RAD51B: variants seen among roughly 807,000 people sequenced by gnomAD.
RAD51B encodes RAD51 paralog B.
A neutral mutation model predicts 42.2 loss-of-function variants in RAD51B; 38 were observed. That is an observed-to-expected ratio of 0.90 (90% confidence interval 0.70 to 1.18). RAD51B has a LOEUF of 1.18. Among genes scored for constraint, RAD51B ranks in the 50% most tolerant of loss-of-function variants. RAD51B has a pLI of 0.00. For synonymous variants in RAD51B, 154 were observed against 145.2 expected, an observed-to-expected ratio of 1.06 and a Z score of -0.43; for missense variants, 373 against 400.7, an observed-to-expected ratio of 0.93 and a Z score of 0.59.
chr14:68,396,332 A>G (rs1432003771), intron 8 of RAD51B, among the ~76,000 whole-genome samples: 1 of 152,222 alleles, frequency 6.6e-6, no homozygotes, highest in Non-Finnish European at 1.5e-5. Context: ...AGATGAAAAC[A>G]TGGGCTAACG....
chr14:68,056,727 G>A (rs1055596374), intron 7 of RAD51B, among the ~76,000 whole-genome samples: 5 of 151,190 alleles, frequency 3.3e-5, no homozygotes, highest in South Asian at 2.1e-4. Flanking sequence ...CAGCCTTGGC[G>A]ACAGACCAAG....
chr14:68,455,058 T>TAC (rs4048734), intron 9 of RAD51B, among the ~76,000 whole-genome samples: 34,253 of 151,928 alleles, frequency 0.23, 4,091 homozygotes, highest in African/African-American at 0.28. Context: ...TGCCCCAACA[T>TAC]ACACACACAC....
chr14:68,422,152 C>T (rs2084716713), intron 9 of RAD51B: 4 of 1,346,452 alleles, frequency 3.0e-6, no homozygotes, highest in Non-Finnish European at 4.3e-6. Context: ...GGCCCAAGGG[C>T]TCGCTGTCGA....
At chr14:68,562,658 G>A in intron 10 of RAD51B, 1 of 985,438 alleles carries the variant, frequency 1.0e-6, no homozygotes, top group Non-Finnish European at 1.2e-6. Flanking sequence ...AAGCAAATGA[G>A]AGTTGCTATA....
chr14:67,842,240 G>A (rs942122948), intron 4 of RAD51B, among the ~76,000 whole-genome samples: 5 of 152,160 alleles, frequency 3.3e-5, no homozygotes, highest in Admixed American at 6.6e-5. Flanking sequence ...CATTGATTTT[G>A]TAGCCTTCAA....
intron 7 of RAD51B, among the ~76,000 whole-genome samples, chr14:68,216,965 G>A (rs1197174570): frequency 6.6e-6 from 1 of 152,154 alleles, no homozygotes; most frequent in Non-Finnish European, 1.5e-5. Context: ...CTGACTTGTA[G>A]GAAACCTTTT....
chr14:68,582,448 C>T (rs1218601184), intron 10 of RAD51B, among the ~76,000 whole-genome samples: 1 of 152,204 alleles, frequency 6.6e-6, no homozygotes, highest in Non-Finnish European at 1.5e-5. Context: ...ATCAAAACCA[C>T]AATGAGATAC....
At chr14:68,619,936 C>T (rs1226199405) in intron 10 of RAD51B, among the ~76,000 whole-genome samples, 3 of 152,126 alleles carry the variant, frequency 2.0e-5, no homozygotes, top group Non-Finnish European at 4.4e-5. Context: ...GATGTTTTTC[C>T]TAGACTTTCA....
chr14:68,601,912 C>A (rs571613158), intron 10 of RAD51B, among the ~76,000 whole-genome samples: 10 of 152,284 alleles, frequency 6.6e-5, no homozygotes, highest in African/African-American at 2.2e-4. Context: ...GACCCCAAAC[C>A]AATTCCCATC....
chr14:68,291,981 G>A lies in RAD51B; in HGVS notation c.853+1G>A, dbSNP rs2139661783. 1 of 1,609,720 alleles carries A rather than the reference G, an allele frequency of 6.2e-7. No homozygotes were observed. Among genetic ancestry groups the A allele is most frequent in the Non-Finnish European group, 8.5e-7 (1 of 1,176,092 alleles). ...GCTGATGATTTGTCCCTGTCTGAAG[G>A]TAAGGAATCTGTCCTGGAGAGGCTG... On this transcript the variant is annotated splice_donor_variant, in intron 8 of 10. Coordinates refer to ENST00000471583, the MANE Select transcript of RAD51B (RefSeq NM_133510.4). LOFTEE classifies it high-confidence loss of function.
intron 10 of RAD51B, chr14:68,469,166 T>C: frequency 6.1e-6 from 3 of 490,442 alleles, no homozygotes; most frequent in South Asian, 4.3e-5. Context: ...TTGTCACTGC[T>C]GTCCATGGGA....
chr14:67,904,387 T>G (rs2043711406), intron 7 of RAD51B, among the ~76,000 whole-genome samples: 1 of 152,154 alleles, frequency 6.6e-6, no homozygotes, highest in African/African-American at 2.4e-5. Flanking sequence ...GCATTCCCTT[T>G]TCTCTGCAAC....
chr14:68,177,585 A>T (rs1035974238), intron 7 of RAD51B, among the ~76,000 whole-genome samples: 3 of 152,088 alleles, frequency 2.0e-5, no homozygotes, highest in African/African-American at 7.2e-5. Context: ...TATAAAAGCA[A>T]CTCTAAATTG....
chr14:68,668,447 G>C (rs559142250), intron 11 of RAD51B, among the ~76,000 whole-genome samples: 1 of 152,328 alleles, frequency 6.6e-6, no homozygotes, highest in East Asian at 1.9e-4. Context: ...GTTAGGTGGA[G>C]GCCATATGAC....
At chr14:68,073,648 A>G (rs1442272924) in intron 7 of RAD51B, among the ~76,000 whole-genome samples, 2 of 152,078 alleles carry the variant, frequency 1.3e-5, no homozygotes, top group African/African-American at 2.4e-5. Context: ...ATATTTTTGT[A>G]GTGGTCAGTA....
chr14:68,680,841 G>A (rs1038206887), intron 11 of RAD51B, among the ~76,000 whole-genome samples: 4 of 151,916 alleles, frequency 2.6e-5, no homozygotes, highest in South Asian at 2.1e-4. Context: ...GCCCAGAGGC[G>A]TTCATAATGT....
Position 68,586,248 on chromosome 14 carries a change from G to A in RAD51B, c.1037-8237G>A, listed in dbSNP as rs537361870. ...GGCAGTGATGAGCCTCAAGTAACCC[G>A]ATGGACCTGTAGCAACTCCCCAGCT... On this transcript the variant is annotated intron_variant, in intron 10 of 10. Transcript: ENST00000487270. Among the ~76,000 whole-genome samples, 43 of 152,140 alleles carry A rather than the reference G, an allele frequency of 2.8e-4. 1 individual carries two copies. Among genetic ancestry groups the A allele is most frequent in the Admixed American group, 2.8e-3 (43 of 15,270 alleles).
chr14:68,435,015 G>T (rs2085111753), intron 9 of RAD51B, among the ~76,000 whole-genome samples: 1 of 152,130 alleles, frequency 6.6e-6, no homozygotes, highest in South Asian at 2.1e-4. Flanking sequence ...AAGTTTACAA[G>T]TTTTAAAATA....
chr14:67,848,142 C>T (rs996521514), intron 4 of RAD51B, among the ~76,000 whole-genome samples: 29 of 152,068 alleles, frequency 1.9e-4, no homozygotes, highest in African/African-American at 5.8e-4. Context: ...CTCAGCCTCC[C>T]GAGTAGCTGG....
Sources: gnomAD v4.1 joint callset for allele counts (sites outside exome capture counted in the v4.1 genomes callset) on GRCh38, gnomAD v4.1.1 for gene constraint, MANE v1.5 for transcripts, NCBI Gene and HGNC (gene_info 2026-07-23, HGNC 2026-07-21) for gene names.